ST6GAL2: variants seen among roughly 807,000 people sequenced by gnomAD.
ST6GAL2 encodes the protein beta-galactoside alpha-2,6-sialyltransferase 2.
ST6GAL2 carries 24 observed loss-of-function variants against 37.5 expected under a neutral mutation model. The ratio of observed to expected loss-of-function variants is 0.64; its 90% CI spans 0.46 to 0.90. ST6GAL2 has a LOEUF of 0.90. Among genes scored for constraint, ST6GAL2 ranks in the 40% least tolerant of loss-of-function variants. The probability of loss-of-function intolerance (pLI) is 0.00; values close to 1 mark genes in which losing one functional copy is unlikely to be tolerated. For synonymous variants in ST6GAL2, 306 were observed against 295.1 expected, an observed-to-expected ratio of 1.04 and a Z score of -0.38; for missense variants, 715 against 712.7, an observed-to-expected ratio of 1.00 and a Z score of -0.04.
intron 1 of ST6GAL2, among the ~76,000 whole-genome samples, chr2:106,846,085 G>A (rs570914638): frequency 6.6e-6 from 1 of 152,174 alleles, no homozygotes; most frequent in South Asian, 2.1e-4. Flanking sequence ...CAAATGTGAA[G>A]CGCGAAGAAG....
At chr2:106,825,856 G>A (rs1438018239) in intron 5 of ST6GAL2, among the ~76,000 whole-genome samples, 2 of 152,200 alleles carry the variant, frequency 1.3e-5, no homozygotes, top group African/African-American at 2.4e-5. Flanking sequence ...CACAGGAAGT[G>A]TGCAATTAAT....
intron 1 of ST6GAL2, among the ~76,000 whole-genome samples, chr2:106,877,996 C>T (rs1298830725): frequency 6.6e-6 from 1 of 152,236 alleles, no homozygotes; most frequent in Non-Finnish European, 1.5e-5. Context: ...CCTGAAAATT[C>T]AGTGGCTATT....
intron 5 of ST6GAL2, among the ~76,000 whole-genome samples, chr2:106,809,471 C>T (rs77221005): frequency 0.013 from 2,001 of 152,248 alleles, 20 homozygotes; most frequent in African/African-American, 0.023. Context: ...GGAGTTGTGA[C>T]CTTTGCAACT....
chr2:106,868,564 G>A (rs1274116553), intron 1 of ST6GAL2, among the ~76,000 whole-genome samples: 2 of 152,198 alleles, frequency 1.3e-5, no homozygotes, highest in African/African-American at 2.4e-5. Context: ...AGCAAAGATC[G>A]CTGCACCGGA....
chr2:106,879,710 CAATTATATATTATTATATA>C (rs1678662828), intron 1 of ST6GAL2, among the ~76,000 whole-genome samples: 9 of 146,124 alleles, frequency 6.2e-5, no homozygotes, highest in South Asian at 4.3e-4. Context: ...TTATATAGAC[CAATTATATATTATTATATA>C]GACCAATTAT....
chr2:106,868,914 C>A (rs1478139647), intron 1 of ST6GAL2, among the ~76,000 whole-genome samples: 2 of 152,134 alleles, frequency 1.3e-5, no homozygotes, highest in African/African-American at 2.4e-5. Flanking sequence ...AGTGTCATTA[C>A]ATTCTGCTCT....
At chr2:106,859,511 T>C (rs1341243756) in intron 1 of ST6GAL2, among the ~76,000 whole-genome samples, 1 of 152,212 alleles carries the variant, frequency 6.6e-6, no homozygotes, top group Non-Finnish European at 1.5e-5. Flanking sequence ...CTTTCCTTCC[T>C]TAGTCTTCCC....
chr2:106,846,127 C>T (rs988670216), intron 1 of ST6GAL2, among the ~76,000 whole-genome samples: 23 of 152,176 alleles, frequency 1.5e-4, no homozygotes, highest in Admixed American at 1.3e-3. Flanking sequence ...TTGCACTTCC[C>T]GATGACTCCA....
intron 5 of ST6GAL2, chr2:106,813,115 T>C (rs1203038872): frequency 2.3e-6 from 1 of 443,572 alleles, no homozygotes; most frequent in Non-Finnish European, 3.0e-6. Context: ...ATATGGCCAG[T>C]TTTTTTTTTT....
At chr2:106,848,759 C>T (rs1334809540) in intron 1 of ST6GAL2, among the ~76,000 whole-genome samples, 1 of 152,182 alleles carries the variant, frequency 6.6e-6, no homozygotes, top group East Asian at 1.9e-4. Flanking sequence ...ATAATTCAAA[C>T]TTAAAGCTAT....
At chr2:106,824,803 T>C (rs1676141177) in intron 5 of ST6GAL2, 1 of 152,196 alleles carries the variant, frequency 6.6e-6, no homozygotes, top group African/African-American at 2.4e-5. Context: ...AAGATTGCAA[T>C]AAGTACATGA....
intron 5 of ST6GAL2, among the ~76,000 whole-genome samples, chr2:106,819,351 G>GA (rs143541793): frequency 9.5e-4 from 135 of 142,492 alleles, no homozygotes; most frequent in South Asian, 4.7e-3. Context: ...AGCAGCAAGA[G>GA]AAAAAAAAAA....
Position 106,830,203 on chromosome 2 carries a change from T to C in ST6GAL2, c.1181A>G (p.Tyr394Cys). ...TGGGTTTCTCTGACGATGCTGAATA[T>C]ATGGAGTGAACAGGTTGTAATCCGG... ...KKPDYNLFTPYIQHRQRNPNQ... is the reference protein window; with the variant it reads ...KKPDYNLFTPCIQHRQRNPNQ... The change falls in exon 5 of 6, where the codon TAT (tyrosine) becomes TGT (cysteine). Residue 394 changes from tyrosine to cysteine, a missense_variant. Physicochemically the swap from Tyr to Cys is radical, Grantham distance 194. Transcript: ENST00000409382. 3 of 1,613,574 alleles carry C rather than the reference T, an allele frequency of 1.9e-6. No homozygotes were observed. Among genetic ancestry groups the C allele is most frequent in the Non-Finnish European group, 1.7e-6 (2 of 1,179,998 alleles).
intron 1 of ST6GAL2, among the ~76,000 whole-genome samples, chr2:106,851,997 C>A (rs1677383552): frequency 6.6e-6 from 1 of 152,164 alleles, no homozygotes; most frequent in Non-Finnish European, 1.5e-5. Context: ...AGCTGGAATT[C>A]TTTTATCTCT....
intron 5 of ST6GAL2, among the ~76,000 whole-genome samples, chr2:106,819,458 A>G (rs1675921664): frequency 6.6e-6 from 1 of 152,182 alleles, no homozygotes; most frequent in Non-Finnish European, 1.5e-5. Flanking sequence ...TGACATATTT[A>G]AAGTGCAGAA....
In ST6GAL2 at chr2:106,832,581, G is replaced by T; in HGVS notation, c.1127C>A (p.Ser376Tyr). 6.3e-7 allele frequency: 1 copy of T among 1,585,526 alleles called. No individual in the cohort carries two copies. The highest frequency in any genetic ancestry group is 8.6e-7 in the Non-Finnish European group (1 of 1,166,772). ...AACACTTACCAGGTTAAGATTTGCG[G>T]AATATGGGGCAGGGTCCCAGGCCAC... Reference protein sequence around the residue: ...ILVAWDPAPYSANLNLWYKKP... With the variant: ...ILVAWDPAPYYANLNLWYKKP... Residue 376 changes from serine (S) to tyrosine (Y), a missense_variant, in exon 4 of 6, where the codon TCC becomes TAC. Around this residue, in one of 3 missense-constraint regions of ST6GAL2, gnomAD observed 198 missense variants for 203.6 expected, o/e 0.97. Coordinates refer to ENST00000409382, the MANE Select transcript of ST6GAL2 (RefSeq NM_001142351.2).
intron 5 of ST6GAL2, among the ~76,000 whole-genome samples, chr2:106,809,789 G>T (rs1675543255): frequency 6.6e-6 from 1 of 152,120 alleles, no homozygotes; most frequent in Non-Finnish European, 1.5e-5. Flanking sequence ...CCATAATGAG[G>T]AACTACGAGA....
rs530681963 is a variant in ST6GAL2 at position 106,809,129 on chromosome 2, G to A, written c.1319-2180C>T. ...TCTGTGGAGCTGAGGACGGCTTCAT[G>A]TTTTCTAATCAGGGGCTACAGACCA... is the stretch of plus-strand genomic sequence containing the variant. On this transcript the variant is annotated intron_variant, in intron 5 of 5. Transcript: ENST00000409382. Among the ~76,000 whole-genome samples the A allele has an allele frequency of 1.6e-4, 24 of 152,366 alleles. No homozygotes were observed. In the South Asian group the frequency reaches 4.1e-3, roughly 26 times the overall value.
intron 5 of ST6GAL2, among the ~76,000 whole-genome samples, chr2:106,810,969 A>G (rs1029684622): frequency 6.6e-6 from 1 of 152,138 alleles, no homozygotes; most frequent in Non-Finnish European, 1.5e-5. Context: ...AAATAAATAA[A>G]TAATAAAACT....
Sources: allele counts gnomAD v4.1 joint callset (sites outside exome capture counted in the v4.1 genomes callset), GRCh38; gene constraint gnomAD v4.1.1; regional missense constraint gnomAD v4.1.1; transcripts MANE v1.5; gene names NCBI Gene and HGNC (gene_info 2026-07-23, HGNC 2026-07-21).